The following PCDH15 variants were observed in gnomAD, a reference collection of about 807,000 sequenced individuals.
PCDH15 encodes the protein protocadherin-15.
PCDH15 carries 129 observed loss-of-function variants against 178.5 expected under a neutral mutation model. The observed-to-expected ratio is 0.72, with a 90% CI of 0.63 to 0.84. PCDH15 has a LOEUF of 0.84. PCDH15 is among the 40% of genes least tolerant of loss of function. PCDH15 has a pLI of 0.00. For missense variants in PCDH15, 2,230 were observed against 2,099.9 expected, an observed-to-expected ratio of 1.06 and a Z score of -1.21; for synonymous variants, 800 against 732.0, an observed-to-expected ratio of 1.09 and a Z score of -1.50.
chr10:54,277,042 G>GT (rs1055330732), intron 8 of PCDH15, among the ~76,000 whole-genome samples: 4 of 151,208 alleles, frequency 2.6e-5, no homozygotes, highest in East Asian at 1.9e-4. Context: ...AATTCAGCAC[G>GT]TTTTTTTTCC....
At position 54,621,584 on chromosome 10, in the gene PCDH15, G is replaced by A. The variant is rs191520485; in HGVS notation, c.91+42588C>T. 1.8e-4 allele frequency among the ~76,000 whole-genome samples: 27 copies of A among 151,994 alleles called. 1 individual carries two copies. The highest frequency in any genetic ancestry group is 9.2e-4 in the Admixed American group (14 of 15,218). ...GTAATTCTCTGCCTCTGAATACATA[G>A]TCTCTATCTATTTTTCTCATTGTTT... is the stretch of plus-strand genomic sequence containing the variant. On this transcript the variant is annotated intron_variant, in intron 2 of 37. Coordinates refer to ENST00000644397, the MANE Select transcript of PCDH15 (RefSeq NM_001384140.1).
At chr10:55,357,786 G>C (rs1402690031) in intron 2 of PCDH15, among the ~76,000 whole-genome samples, 1 of 151,976 alleles carries the variant, frequency 6.6e-6, no homozygotes, top group Non-Finnish European at 1.5e-5. Context: ...GTATTTGTCT[G>C]AGCTTTGTTA....
chr10:55,100,559 A>G (rs1842552706), intron 2 of PCDH15, among the ~76,000 whole-genome samples: 2 of 152,150 alleles, frequency 1.3e-5, no homozygotes, highest in African/African-American at 4.8e-5. Flanking sequence ...GGCTGCTTCC[A>G]CTCATGTTGG....
chr10:54,779,429 C>CATAT lies in PCDH15; in HGVS notation c.-29+21492_-29+21495dup, dbSNP rs200324192. Among the ~76,000 whole-genome samples the CATAT allele has an allele frequency of 1.9e-3, 192 of 99,706 alleles. 1 individual carries two copies. The highest frequency in any genetic ancestry group is 3.2e-3 in the Non-Finnish European group (149 of 46,428). The allele number at this position is 99,706 out of a possible 152,430, so 65.4% of individuals were successfully genotyped here. A position where few individuals can be genotyped will look rare whatever the true frequency, so the allele number is the denominator to read the frequency against. ...ATGTATATATATATATATACACACACATATGTGTATATATATATACACTCA... is the reference window on the plus strand; with the variant it reads ...ATGTATATATATATATATACACACACATATATATGTGTATATATATATACACTCA... On this transcript the variant is annotated intron_variant, in intron 1 of 37. Coordinates refer to ENST00000644397, the MANE Select transcript of PCDH15 (RefSeq NM_001384140.1).
intron 21 of PCDH15, among the ~76,000 whole-genome samples, chr10:53,993,727 T>G (rs1189348058): frequency 1.3e-5 from 2 of 152,160 alleles, no homozygotes; most frequent in Non-Finnish European, 2.9e-5. Context: ...TTAGGATTCG[T>G]GTAGGTGCAA....
chr10:55,317,941 G>T (rs1261768233), intron 1 of PCDH15, among the ~76,000 whole-genome samples: 1 of 152,138 alleles, frequency 6.6e-6, no homozygotes, highest in Non-Finnish European at 1.5e-5. Flanking sequence ...TAAAATAAAA[G>T]AAAGAAGGTG....
At chr10:55,607,628 C>G (rs1843253659) in intron 2 of PCDH15, among the ~76,000 whole-genome samples, 2 of 148,426 alleles carry the variant, frequency 1.3e-5, no homozygotes, top group Admixed American at 6.7e-5. Context: ...AATCATCATT[C>G]TCAGTAAACT....
chr10:54,577,981 G>A (rs1011459987), intron 2 of PCDH15, among the ~76,000 whole-genome samples: 6 of 152,000 alleles, frequency 3.9e-5, no homozygotes, highest in Admixed American at 1.3e-4. Flanking sequence ...TAAATGAATC[G>A]AAAGTAAATT....
chr10:54,473,469 GTC>G (rs1430490476), intron 3 of PCDH15, among the ~76,000 whole-genome samples: 4 of 152,074 alleles, frequency 2.6e-5, no homozygotes, highest in East Asian at 1.9e-4. Flanking sequence ...TTTCTCGTCT[GTC>G]TCTCTGTTTC....
At chr10:54,297,230 C>T (rs1261646113) in intron 8 of PCDH15, among the ~76,000 whole-genome samples, 1 of 152,112 alleles carries the variant, frequency 6.6e-6, no homozygotes, top group African/African-American at 2.4e-5. Context: ...AACACTCAGG[C>T]ATCAATGGGC....
rs189509481 is a variant in PCDH15 at position 54,692,639 on chromosome 10, A to G, written c.-28-28349T>C. On this transcript the variant is annotated intron_variant, in intron 1 of 37. Coordinates refer to ENST00000644397, the MANE Select transcript of PCDH15 (RefSeq NM_001384140.1). Reference sequence around the variant, plus strand: ...CATAAGATCTAGAAATATAAGTTCCATAACTTCTAAACGAAGTCATATCCT... The same window carrying G: ...CATAAGATCTAGAAATATAAGTTCCGTAACTTCTAAACGAAGTCATATCCT... 4.6e-5 allele frequency among the ~76,000 whole-genome samples: 7 copies of G among 150,790 alleles called. No homozygotes were observed. In the East Asian group the frequency reaches 1.4e-3, roughly 30 times the overall value.
In PCDH15 at chr10:54,239,432, T is replaced by TAGAGAGAGAGAGAGAG. The variant is rs370848123; in HGVS notation, c.877-2502_877-2501insCTCTCTCTCTCTCTCT. ...GTGATTAAATATATATATATATATA[T>TAGAGAGAGAGAGAGAG]AGAGTAAGAACTGAAGAACTAAAAA... On this transcript the variant is annotated intron_variant, in intron 8 of 37. Coordinates refer to ENST00000644397, the MANE Select transcript of PCDH15 (RefSeq NM_001384140.1). 2.4e-3 allele frequency among the ~76,000 whole-genome samples: 364 copies of TAGAGAGAGAGAGAGAG among 150,638 alleles called. 4 individuals are homozygous for TAGAGAGAGAGAGAGAG. The highest frequency in any genetic ancestry group is 8.1e-3 in the African/African-American group (333 of 41,052).
At chr10:55,018,649 G>A (rs1840245922) in intron 2 of PCDH15, among the ~76,000 whole-genome samples, 2 of 152,126 alleles carry the variant, frequency 1.3e-5, no homozygotes, top group South Asian at 4.1e-4. Context: ...AAGAAAAGAA[G>A]CACTATTTGA....
intron 2 of PCDH15, among the ~76,000 whole-genome samples, chr10:54,604,704 A>G (rs924904482): frequency 7.2e-5 from 11 of 152,064 alleles, no homozygotes; most frequent in African/African-American, 2.6e-4. Flanking sequence ...GCCAGTTAAT[A>G]TCGTGTGATT....
intron 2 of PCDH15, among the ~76,000 whole-genome samples, chr10:55,439,028 A>C (rs1373096966): frequency 1.3e-5 from 2 of 151,880 alleles, no homozygotes; most frequent in South Asian, 2.1e-4. Context: ...CCTCCCGAGT[A>C]ACTAGGACTA....
At chr10:53,981,952 T>C (rs903713508) in intron 21 of PCDH15, among the ~76,000 whole-genome samples, 2 of 151,296 alleles carry the variant, frequency 1.3e-5, no homozygotes, top group African/African-American at 4.9e-5. Flanking sequence ...GAATCTACAA[T>C]GAACTCAAAC....
intron 2 of PCDH15, among the ~76,000 whole-genome samples, chr10:55,563,419 CTTTAAG>C (rs1779267739): frequency 6.6e-6 from 1 of 151,708 alleles, no homozygotes; most frequent in Non-Finnish European, 1.5e-5. Context: ...TAATAAAAGT[CTTTAAG>C]TTTACAACTC....
At chr10:54,710,924 C>A (rs75594018) in intron 1 of PCDH15, among the ~76,000 whole-genome samples, 1 of 151,748 alleles carries the variant, frequency 6.6e-6, no homozygotes, top group Non-Finnish European at 1.5e-5. Flanking sequence ...AGGGTGAGAG[C>A]GGTATTGTTA....
intron 21 of PCDH15, among the ~76,000 whole-genome samples, chr10:53,978,657 G>GGTTTTT (rs1564914167): frequency 2.1e-5 from 3 of 143,186 alleles, no homozygotes; most frequent in Non-Finnish European, 3.0e-5. Flanking sequence ...TCCAGAAAAT[G>GGTTTTT]TTTTTTTTTT....
Sources: allele counts gnomAD v4.1 joint callset (sites outside exome capture counted in the v4.1 genomes callset), GRCh38; gene constraint gnomAD v4.1.1; transcripts MANE v1.5; gene names NCBI Gene and HGNC (gene_info 2026-07-23, HGNC 2026-07-21).